Variants in SERINC5 observed in about 807,000 individuals in gnomAD.
SERINC5 encodes the protein serine incorporator 5, also known as chromosome 5 open reading frame 12.
SERINC5 carries 41 observed loss-of-function variants against 63.1 expected under a neutral mutation model. That is an observed-to-expected ratio of 0.65 (90% CI 0.51 to 0.84). The LOEUF (loss-of-function observed/expected upper bound fraction) is 0.84. SERINC5 is among the 40% of genes least tolerant of loss of function. The pLI is 0.00. For synonymous variants in SERINC5, 222 were observed against 215.2 expected (o/e 1.03, Z -0.28); for missense variants, 523 against 573.0 (o/e 0.91, Z 0.89).
chr5:80,113,685 C>T (rs1051083181), intron 11 of SERINC5: 3 of 202,198 alleles, frequency 1.5e-5, no homozygotes, highest in Non-Finnish European at 3.1e-5. Flanking sequence ...CCCTGATAAA[C>T]CCATCAGCTC....
chr5:80,175,146 CTAACA>C (rs1252927859), intron 4 of SERINC5, 99 bp from the exon 5 acceptor site: 11 of 696,220 alleles, frequency 1.6e-5, no homozygotes, highest in Middle Eastern at 2.5e-4. Flanking sequence ...ATCAGTGTAC[CTAACA>C]TATTTGTCAC....
chr5:80,215,269 A>ACT (rs141561692), intron 1 of SERINC5, among the ~76,000 whole-genome samples: 5 of 148,830 alleles, frequency 3.4e-5, no homozygotes, highest in Middle Eastern at 3.4e-3. Context: ...GATATCTCCC[A>ACT]CTCTCTCTCT....
Position 80,112,322 on chromosome 5 carries a change from C to G in SERINC5, c.*30-620G>C, listed in dbSNP as rs145604678. 4.9e-3 allele frequency among the ~76,000 whole-genome samples: 746 copies of G among 152,312 alleles called. 4 individuals carry two copies. Among genetic ancestry groups the G allele is most frequent in the African/African-American group, 0.017 (717 of 41,570 alleles). ...TGTTTGGGTGGAGAGAAGCATAAATCTGGCCTACGTGCACATCCAGGCATA... is the reference window on the plus strand; with the variant it reads ...TGTTTGGGTGGAGAGAAGCATAAATGTGGCCTACGTGCACATCCAGGCATA... On this transcript the variant is annotated intron_variant, in intron 12 of 12. Coordinates refer to the SERINC5 transcript ENST00000509193.
intron 1 of SERINC5, among the ~76,000 whole-genome samples, chr5:80,240,458 A>T (rs1002559534): frequency 6.6e-6 from 1 of 152,198 alleles, no homozygotes; most frequent in Admixed American, 6.6e-5. Context: ...GTCACTGACA[A>T]AGTTTTAGAA....
intron 7 of SERINC5, among the ~76,000 whole-genome samples, chr5:80,160,013 C>G (rs1311017937): frequency 6.6e-6 from 1 of 152,138 alleles, no homozygotes; most frequent in Non-Finnish European, 1.5e-5. Flanking sequence ...CAAATTAATC[C>G]ATCCCAAAGA....
At chr5:80,220,071 T>C (rs1334225100) in intron 1 of SERINC5, among the ~76,000 whole-genome samples, 2 of 152,082 alleles carry the variant, frequency 1.3e-5, no homozygotes, top group Non-Finnish European at 2.9e-5. Flanking sequence ...TAGCTGGGTA[T>C]GGTGGCACAT....
Position 80,143,100 on chromosome 5 carries a change from G to A in SERINC5, c.*563C>T. 1.0e-6 allele frequency: 1 copy of A among 985,422 alleles called. No individual in the cohort carries two copies. The highest frequency in any genetic ancestry group is 1.2e-6 in the Non-Finnish European group (1 of 829,960). The allele number at this position is 985,422 out of a possible 1,614,324, so 61.0% of individuals were successfully genotyped here. Reference sequence around the variant, plus strand: ...CAACCTCAAAGGGAAACGTTTAGGGGCCGTGAAGAGGCAGCACTGAGGGTG... The same window carrying A: ...CAACCTCAAAGGGAAACGTTTAGGGACCGTGAAGAGGCAGCACTGAGGGTG... On this transcript the variant is annotated 3_prime_UTR_variant, in exon 12 of 12. Coordinates refer to ENST00000507668, the MANE Select transcript of SERINC5 (RefSeq NM_001174072.3).
chr5:80,172,893 T>C (rs982506812), intron 5 of SERINC5, among the ~76,000 whole-genome samples: 3 of 152,200 alleles, frequency 2.0e-5, no homozygotes, highest in Non-Finnish European at 4.4e-5. Flanking sequence ...TTACAGTCCA[T>C]CCCAAAGTTA....
intron 1 of SERINC5, among the ~76,000 whole-genome samples, chr5:80,226,988 C>T (rs1044668711): frequency 3.3e-5 from 5 of 152,094 alleles, no homozygotes; most frequent in Admixed American, 2.0e-4. Flanking sequence ...CTCCACCTCC[C>T]GGGTTCAAAC....
chr5:80,229,624 C>T (rs1414835326), intron 1 of SERINC5, among the ~76,000 whole-genome samples: 4 of 124,506 alleles, frequency 3.2e-5, no homozygotes, highest in African/African-American at 1.5e-4. Context: ...CTTACAGGAA[C>T]TAATTAAAAA....
intron 1 of SERINC5, among the ~76,000 whole-genome samples, chr5:80,255,546 G>T (rs985990967): frequency 5.9e-5 from 9 of 152,164 alleles, no homozygotes; most frequent in African/African-American, 2.2e-4. Context: ...GAGTGGAGAG[G>T]GCTACGGAGC....
chr5:80,237,043 C>CT (rs1221673061), intron 1 of SERINC5, among the ~76,000 whole-genome samples: 1 of 149,320 alleles, frequency 6.7e-6, no homozygotes, highest in Non-Finnish European at 1.5e-5. Flanking sequence ...CCAGGCCGGT[C>CT]TTTGAATTTC....
At chr5:80,181,256 A>C (rs187460447) in intron 2 of SERINC5, among the ~76,000 whole-genome samples, 2 of 151,584 alleles carry the variant, frequency 1.3e-5, no homozygotes, top group Non-Finnish European at 2.9e-5. Context: ...TTTTCTCCCC[A>C]CTCCTTTTTG....
At chr5:80,130,847 G>C (rs146810828) in intron 11 of SERINC5, among the ~76,000 whole-genome samples, 1 of 152,294 alleles carries the variant, frequency 6.6e-6, no homozygotes, top group Non-Finnish European at 1.5e-5. Flanking sequence ...AGACACTGGG[G>C]ATACAGGAGT....
At chr5:80,162,583 A>T (rs540698818) in intron 7 of SERINC5, among the ~76,000 whole-genome samples, 4 of 152,290 alleles carry the variant, frequency 2.6e-5, no homozygotes, top group African/African-American at 9.6e-5. Flanking sequence ...TATGTTGCTC[A>T]GGCCGGCCTC....
intron 1 of SERINC5, among the ~76,000 whole-genome samples, chr5:80,245,907 A>C (rs1580218364): frequency 6.8e-6 from 1 of 146,128 alleles, no homozygotes; most frequent in Non-Finnish European, 1.5e-5. Flanking sequence ...GAGCCACCAC[A>C]CCTGGCCCCA....
Position 80,146,135 on chromosome 5 carries a change from A to G in SERINC5, c.1193T>C (p.Phe398Ser). Residue 398 changes from phenylalanine (F) to serine (S), a missense_variant, in exon 11 of 12, where the codon TTC (phenylalanine) becomes TCC (serine). Coordinates refer to ENST00000507668, the MANE Select transcript of SERINC5 (RefSeq NM_001174072.3). ...YIYSYFHFVF[F>S]LASLYVMMTV... ...CATCATCACATACAGGGAAGCTAGGAAGAACACGAAGTGGAAGTAGGAGTA... is the reference window on the plus strand; with the variant it reads ...CATCATCACATACAGGGAAGCTAGGGAGAACACGAAGTGGAAGTAGGAGTA... The G allele has an allele frequency of 6.2e-7, 1 of 1,614,044 alleles. No individual in the cohort carries two copies. Among genetic ancestry groups the G allele is most frequent in the Non-Finnish European group, 8.5e-7 (1 of 1,179,876 alleles).
intron 2 of SERINC5, among the ~76,000 whole-genome samples, chr5:80,200,163 C>T (rs1749738905): frequency 6.6e-6 from 1 of 151,334 alleles, no homozygotes; most frequent in African/African-American, 2.4e-5. Flanking sequence ...TAATTTCTGC[C>T]TTGTTTTAGG....
chr5:80,203,782 G>A (rs1353018129), intron 1 of SERINC5, among the ~76,000 whole-genome samples: 3 of 152,142 alleles, frequency 2.0e-5, no homozygotes, highest in Admixed American at 2.0e-4. Flanking sequence ...AGTCATACCA[G>A]AGCTTGTACT....
Sources: gnomAD v4.1 joint callset for allele counts (sites outside exome capture counted in the v4.1 genomes callset) on GRCh38, gnomAD v4.1.1 for gene constraint, MANE v1.5 for transcripts, NCBI Gene and HGNC (gene_info 2026-07-23, HGNC 2026-07-21) for gene names.